The following ARHGEF3 variants were observed in gnomAD, a reference collection of about 807,000 sequenced individuals.
ARHGEF3 encodes Rho guanine nucleotide exchange factor 3.
Under a neutral mutation model 63.2 loss-of-function variants are expected in ARHGEF3, and 28 were observed. That is an observed-to-expected ratio of 0.44 (90% CI 0.33 to 0.61). ARHGEF3 has a LOEUF of 0.61. Among genes scored for constraint, ARHGEF3 ranks in the 20% least tolerant of loss-of-function variants. ARHGEF3 has a pLI of 0.03. For synonymous variants in ARHGEF3, 266 were observed against 254.2 expected, an observed-to-expected ratio of 1.05 and a Z score of -0.44; for missense variants, 533 against 659.3, an observed-to-expected ratio of 0.81 and a Z score of 2.10.
Position 56,785,687 on chromosome 3 carries a change from G to T in ARHGEF3, c.97-11871C>A, listed in dbSNP as rs187214945. 5.8e-4 allele frequency among the ~76,000 whole-genome samples: 88 copies of T among 152,340 alleles called. 1 individual carries two copies. The highest frequency in any genetic ancestry group is 3.7e-3 in the Admixed American group (57 of 15,302). ...AAGAAGTAGGGAGATGAAAAAGGGT[G>T]CTCAGATCTTAATCTCAGTGTCCCA... On this transcript the variant is annotated intron_variant, in intron 1 of 9. Coordinates refer to ENST00000296315, the MANE Select transcript of ARHGEF3 (RefSeq NM_019555.3).
intron 1 of ARHGEF3, among the ~76,000 whole-genome samples, chr3:57,062,702 GCACACA>G (rs148193521): frequency 2.7e-5 from 4 of 150,192 alleles, no homozygotes; most frequent in Non-Finnish European, 5.9e-5. Context: ...CTACACACAT[GCACACA>G]CACACACACA....
intron 1 of ARHGEF3, among the ~76,000 whole-genome samples, chr3:57,065,227 C>T (rs565553085): frequency 1.3e-5 from 2 of 152,232 alleles, no homozygotes; most frequent in East Asian, 3.9e-4. Flanking sequence ...TTCGGGAGGC[C>T]GAGGCGGGCA....
At chr3:57,058,315 A>G (rs1705031756) in intron 1 of ARHGEF3, among the ~76,000 whole-genome samples, 1 of 152,200 alleles carries the variant, frequency 6.6e-6, no homozygotes, top group Admixed American at 6.5e-5. Flanking sequence ...GGTCTTTTTG[A>G]AATGCCATTA....
intron 2 of ARHGEF3, among the ~76,000 whole-genome samples, chr3:56,997,225 T>A (rs1277101421): frequency 6.6e-6 from 1 of 152,106 alleles, no homozygotes; most frequent in Non-Finnish European, 1.5e-5. Context: ...GACAAGTCTT[T>A]CTGACCCTCA....
intron 1 of ARHGEF3, among the ~76,000 whole-genome samples, chr3:57,041,370 T>G (rs1293520069): frequency 6.6e-6 from 1 of 152,134 alleles, no homozygotes; most frequent in African/African-American, 2.4e-5. Flanking sequence ...AATTAACTTG[T>G]TCAAGATCCC....
chr3:57,006,172 C>T (rs1702459478), intron 2 of ARHGEF3, among the ~76,000 whole-genome samples: 1 of 152,150 alleles, frequency 6.6e-6, no homozygotes, highest in Non-Finnish European at 1.5e-5. Context: ...TTCCCTGTTC[C>T]CTGGAGCCAC....
intron 4 of ARHGEF3, among the ~76,000 whole-genome samples, chr3:56,850,615 T>TA (rs535840792): frequency 6.6e-6 from 1 of 152,236 alleles, no homozygotes; most frequent in African/African-American, 2.4e-5. Flanking sequence ...CAAAGCCCTC[T>TA]AAGTTCTGTT....
chr3:56,779,545 T>A (rs1245744437), intron 1 of ARHGEF3, among the ~76,000 whole-genome samples: 1 of 152,098 alleles, frequency 6.6e-6, no homozygotes, highest in Non-Finnish European at 1.5e-5. Flanking sequence ...CAGGCTGGAG[T>A]GCAGTGGCGC....
intron 3 of ARHGEF3, among the ~76,000 whole-genome samples, chr3:56,955,917 G>C (rs12186065): frequency 0.26 from 39,147 of 152,248 alleles, 6,013 homozygotes; most frequent in East Asian, 0.39. Flanking sequence ...GAGGCAAAGA[G>C]AGATCAGTTT....
intron 2 of ARHGEF3, among the ~76,000 whole-genome samples, chr3:57,013,921 CG>C (rs751267315): frequency 6.6e-6 from 1 of 152,192 alleles, no homozygotes; most frequent in Admixed American, 6.5e-5. Context: ...GAGCCAGCAG[CG>C]GCAACTCTTT....
chr3:56,813,962 A>C (rs1306021864), intron 4 of ARHGEF3, among the ~76,000 whole-genome samples: 1 of 152,176 alleles, frequency 6.6e-6, no homozygotes, highest in Non-Finnish European at 1.5e-5. Context: ...GTGGCCAAGC[A>C]TCTGTACCAG....
intron 2 of ARHGEF3, among the ~76,000 whole-genome samples, chr3:56,969,120 C>T (rs1560095531): frequency 1.3e-5 from 2 of 151,444 alleles, no homozygotes. Flanking sequence ...ACCAAATCAT[C>T]TTTAGGTCAC....
chr3:56,973,314 G>C (rs1290911560), intron 2 of ARHGEF3, among the ~76,000 whole-genome samples: 1 of 152,156 alleles, frequency 6.6e-6, no homozygotes, highest in Non-Finnish European at 1.5e-5. Context: ...ACCGCGCCTG[G>C]CATGATGAAC....
intron 4 of ARHGEF3, among the ~76,000 whole-genome samples, chr3:56,813,298 C>A (rs1251246896): frequency 1.3e-5 from 2 of 152,158 alleles, no homozygotes; most frequent in Non-Finnish European, 2.9e-5. Context: ...TTTTATGATT[C>A]ATGGGAGGAG....
chr3:56,773,882 C>T lies in ARHGEF3; in HGVS notation c.97-66G>A, dbSNP rs187149303. 6.1e-4 allele frequency: 804 copies of T among 1,311,368 alleles called. 2 individuals carry two copies. The highest frequency in any genetic ancestry group is 8.7e-4 in the Admixed American group (37 of 42,710). 81.2% of individuals were successfully genotyped at this position (1,311,368 alleles called of 1,614,324 possible). A position where few individuals can be genotyped will look rare whatever the true frequency, so the allele number is the denominator to read the frequency against. On this transcript the variant is annotated intron_variant, in intron 1 of 9. Transcript: ENST00000296315. ...AATTGCAAAGACAACATAACTCCAT[C>T]ATACAACTGTGTTCCACTCCACAAG...
intron 4 of ARHGEF3, among the ~76,000 whole-genome samples, chr3:56,837,480 A>G (rs994962258): frequency 1.3e-5 from 2 of 152,230 alleles, no homozygotes; most frequent in Non-Finnish European, 2.9e-5. Context: ...CTGACAGTCC[A>G]TCAGGCAGAA....
At chr3:56,900,487 CA>C (rs1396739985) in intron 3 of ARHGEF3, among the ~76,000 whole-genome samples, 1 of 151,976 alleles carries the variant, frequency 6.6e-6, no homozygotes, top group East Asian at 1.9e-4. Flanking sequence ...ATAAATTAGC[CA>C]GGCATGGTGG....
At chr3:57,012,538 C>T (rs1174918272) in intron 2 of ARHGEF3, among the ~76,000 whole-genome samples, 5 of 152,210 alleles carry the variant, frequency 3.3e-5, no homozygotes, top group African/African-American at 9.6e-5. Context: ...GGATTACAGG[C>T]GTGAGCCACT....
intron 4 of ARHGEF3, among the ~76,000 whole-genome samples, chr3:56,811,830 C>G (rs1458253166): frequency 6.6e-6 from 1 of 152,152 alleles, no homozygotes; most frequent in East Asian, 1.9e-4. Context: ...TAAGTACAAC[C>G]AACTGATAGC....
Sources: gnomAD v4.1 joint callset for allele counts (sites outside exome capture counted in the v4.1 genomes callset) on GRCh38, gnomAD v4.1.1 for gene constraint, MANE v1.5 for transcripts, NCBI Gene and HGNC (gene_info 2026-07-23, HGNC 2026-07-21) for gene names.